GRIK2: variants seen among roughly 807,000 people sequenced by gnomAD.
The protein encoded by GRIK2 is glutamate ionotropic receptor kainate type subunit 2, also known as glutamate receptor ionotropic, kainate 2.
In GRIK2, 32 loss-of-function variants were observed where a neutral mutation model predicts 100.3. The observed-to-expected ratio is 0.32, with a 90% CI of 0.24 to 0.43. GRIK2 has a LOEUF of 0.43. GRIK2 is among the 20% of genes least tolerant of loss of function. The pLI, the probability that GRIK2 is intolerant of heterozygous loss-of-function variation, is 1.00. For missense variants in GRIK2, 843 were observed against 1,114.9 expected (o/e 0.76, Z 3.47); for synonymous variants, 417 against 389.4 (o/e 1.07, Z -0.83).
chr6:101,419,986 T>C (rs1776335586), intron 2 of GRIK2, among the ~76,000 whole-genome samples: 1 of 152,176 alleles, frequency 6.6e-6, no homozygotes, highest in South Asian at 2.1e-4. Context: ...CATAAAAGAA[T>C]ATGCTGTATT....
Position 101,939,925 on chromosome 6 carries a change from C to A in GRIK2, c.2085+11293C>A, listed in dbSNP as rs148384262. Among the ~76,000 whole-genome samples, 362 of 152,022 alleles carry A rather than the reference C, an allele frequency of 2.4e-3. 3 individuals are homozygous for A. The highest frequency in any genetic ancestry group is 8.2e-3 in the African/African-American group (341 of 41,488). On this transcript the variant is annotated intron_variant, in intron 14 of 16. Transcript: ENST00000369134. ...TAAACACGACCTTTTTTATGATCTACCTGGAAAATTTTAACAATTAGGGAG... is the reference window on the plus strand; with the variant it reads ...TAAACACGACCTTTTTTATGATCTAACTGGAAAATTTTAACAATTAGGGAG...
chr6:101,658,820 T>C (rs1443221672), intron 4 of GRIK2, among the ~76,000 whole-genome samples: 1 of 152,210 alleles, frequency 6.6e-6, no homozygotes, highest in Non-Finnish European at 1.5e-5. Flanking sequence ...TGCAAAAATA[T>C]CTTCTTTTGA....
chr6:101,610,216 A>G (rs9689760), intron 2 of GRIK2, among the ~76,000 whole-genome samples: 1 of 151,494 alleles, frequency 6.6e-6, no homozygotes, highest in South Asian at 2.1e-4. Flanking sequence ...GAAATGAAGG[A>G]CCTATCTTAA....
At chr6:101,677,925 A>G (rs1174146634) in intron 5 of GRIK2, among the ~76,000 whole-genome samples, 1 of 152,148 alleles carries the variant, frequency 6.6e-6, no homozygotes, top group Non-Finnish European at 1.5e-5. Context: ...AAAAATTGCT[A>G]TAGTTTTATC....
At chr6:101,957,184 C>T (rs375424288) in intron 14 of GRIK2, among the ~76,000 whole-genome samples, 1 of 151,802 alleles carries the variant, frequency 6.6e-6, no homozygotes, top group African/African-American at 2.4e-5. Context: ...TAATAATAGC[C>T]ATTCTGTCTG....
chr6:101,899,066 T>C (rs1787669066), intron 12 of GRIK2, among the ~76,000 whole-genome samples: 1 of 151,120 alleles, frequency 6.6e-6, no homozygotes, highest in African/African-American at 2.4e-5. Flanking sequence ...TGGGTATACA[T>C]ATATAGAAAG....
At chr6:101,717,514 A>C (rs920806442) in intron 7 of GRIK2, among the ~76,000 whole-genome samples, 10 of 151,836 alleles carry the variant, frequency 6.6e-5, no homozygotes, top group Non-Finnish European at 1.3e-4. Context: ...AGTATGTTAC[A>C]AGAATTTTCC....
intron 11 of GRIK2, among the ~76,000 whole-genome samples, chr6:101,878,925 TA>T (rs1223091642): frequency 6.6e-6 from 1 of 152,054 alleles, no homozygotes; most frequent in African/African-American, 2.4e-5. Context: ...TCAAAAATCT[TA>T]GTAGTTTATA....
chr6:101,541,489 T>C (rs1384033592), intron 2 of GRIK2, among the ~76,000 whole-genome samples: 1 of 151,570 alleles, frequency 6.6e-6, no homozygotes, highest in Non-Finnish European at 1.5e-5. Flanking sequence ...GAAAGGATGC[T>C]GGGCAGATAA....
intron 7 of GRIK2, among the ~76,000 whole-genome samples, chr6:101,750,311 C>A (rs1180797012): frequency 6.6e-6 from 1 of 152,148 alleles, no homozygotes; most frequent in African/African-American, 2.4e-5. Context: ...ACTCCAAAGT[C>A]CCTTCTCTGT....
At chr6:101,658,851 T>A (rs1490967705) in intron 4 of GRIK2, among the ~76,000 whole-genome samples, 1 of 152,214 alleles carries the variant, frequency 6.6e-6, no homozygotes, top group Non-Finnish European at 1.5e-5. Context: ...TTCATATCCT[T>A]TGCCCATTTT....
chr6:101,496,967 TTAAAG>T (rs1773478390), intron 2 of GRIK2, among the ~76,000 whole-genome samples: 1 of 152,178 alleles, frequency 6.6e-6, no homozygotes, highest in African/African-American at 2.4e-5. Flanking sequence ...TGAAAAATAA[TTAAAG>T]TAAAAGATAT....
chr6:101,996,632 C>T (rs183803015), intron 14 of GRIK2, among the ~76,000 whole-genome samples: 5 of 152,132 alleles, frequency 3.3e-5, no homozygotes, highest in Non-Finnish European at 7.4e-5. Context: ...GTGACAAACA[C>T]GTTATTGCTG....
intron 7 of GRIK2, among the ~76,000 whole-genome samples, chr6:101,752,296 T>C (rs1241633544): frequency 1.3e-5 from 2 of 152,150 alleles, no homozygotes; most frequent in Non-Finnish European, 2.9e-5. Flanking sequence ...CTGTTTCTCA[T>C]TGATAGTGTC....
At chr6:101,437,854 T>C (rs936082465) in intron 2 of GRIK2, among the ~76,000 whole-genome samples, 1 of 152,076 alleles carries the variant, frequency 6.6e-6, no homozygotes, top group African/African-American at 2.4e-5. Context: ...TTATATACCC[T>C]TCCAAGATCA....
At chr6:101,969,375 G>A (rs1312067359) in intron 14 of GRIK2, among the ~76,000 whole-genome samples, 6 of 151,784 alleles carry the variant, frequency 4.0e-5, no homozygotes, top group Non-Finnish European at 4.4e-5. Context: ...CAAAATATTT[G>A]TTCTATAGCC....
chr6:101,599,213 C>A (rs1169764833), intron 2 of GRIK2, among the ~76,000 whole-genome samples: 1 of 151,802 alleles, frequency 6.6e-6, no homozygotes, highest in African/African-American at 2.4e-5. Flanking sequence ...AGATAATGGT[C>A]TCTAGCTGTA....
At chr6:101,499,456 A>C (rs1773635424) in intron 2 of GRIK2, among the ~76,000 whole-genome samples, 1 of 152,234 alleles carries the variant, frequency 6.6e-6, no homozygotes, top group East Asian at 1.9e-4. Flanking sequence ...TCTGCAGCAA[A>C]TAAAGCTTAG....
rs193243421 is a variant in GRIK2, at chr6:101,412,629, C to A, written c.115+13237C>A. ...AATATGTGTCTAAATATTTTCAATT[C>A]TTTTAATAATAAATTATTCATAGGT... On this transcript the variant is annotated intron_variant, in intron 2 of 16. Transcript: ENST00000369134. Among the ~76,000 whole-genome samples the A allele has an allele frequency of 3.4e-3, 523 of 151,996 alleles. 2 individuals carry two copies. Among genetic ancestry groups the A allele is most frequent in the Non-Finnish European group, 4.9e-3 (330 of 67,868 alleles).
Sources: gnomAD v4.1 joint callset for allele counts (sites outside exome capture counted in the v4.1 genomes callset) on GRCh38, gnomAD v4.1.1 for gene constraint, MANE v1.5 for transcripts, NCBI Gene and HGNC (gene_info 2026-07-23, HGNC 2026-07-21) for gene names.